The following PPM1F variants were observed in gnomAD, a reference collection of about 807,000 sequenced individuals.
PPM1F encodes protein phosphatase 1F.
Under a neutral mutation model 35.5 loss-of-function variants are expected in PPM1F, and 17 were observed. The ratio of observed to expected loss-of-function variants is 0.48; its 90% confidence interval spans 0.33 to 0.72. The LOEUF is 0.72. Among genes scored for constraint, PPM1F ranks in the 30% least tolerant of loss-of-function variants. The pLI, the probability that PPM1F is intolerant of heterozygous loss-of-function variation, is 0.02. For missense variants in PPM1F, 521 were observed against 613.0 expected (o/e 0.85, Z 1.59); for synonymous variants, 241 against 255.5 (o/e 0.94, Z 0.54).
chr22:21,938,277 C>A, intron 3 of PPM1F: 1 of 1,280,232 alleles, frequency 7.8e-7, no homozygotes, highest in East Asian at 5.8e-5. Context: ...GGTGGCGGCG[C>A]CCCCTTGGTG....
At chr22:21,924,391 C>T (rs55982262) in intron 7 of PPM1F, among the ~76,000 whole-genome samples, 15,852 of 151,858 alleles carry the variant, frequency 0.1, 900 homozygotes, top group Non-Finnish European at 0.12. Context: ...CCTCAGCATC[C>T]CAAGTAGCTG....
chr22:21,930,004 A>G (rs1271943479), intron 6 of PPM1F, among the ~76,000 whole-genome samples: 1 of 152,252 alleles, frequency 6.6e-6, no homozygotes, highest in African/African-American at 2.4e-5. Flanking sequence ...ATCATCACAG[A>G]CAAGGAACCA....
At chr22:21,927,337 C>T (rs1042386478) in intron 6 of PPM1F, among the ~76,000 whole-genome samples, 2 of 152,200 alleles carry the variant, frequency 1.3e-5, no homozygotes, top group Non-Finnish European at 2.9e-5. Context: ...CTGCAGACGG[C>T]GAGGAGCTGC....
intron 7 of PPM1F, among the ~76,000 whole-genome samples, chr22:21,924,542 A>T (rs1384312807): frequency 6.7e-6 from 1 of 149,734 alleles, no homozygotes; most frequent in Non-Finnish European, 1.5e-5. Context: ...AAGTGCTGGG[A>T]TTACAGGCGT....
At chr22:21,924,307 G>A (rs565846853) in intron 7 of PPM1F, among the ~76,000 whole-genome samples, 308 of 146,114 alleles carry the variant, frequency 2.1e-3, no homozygotes, top group Non-Finnish European at 3.0e-3. Flanking sequence ...CGCTCTTGTC[G>A]CCCAGGCTGC....
At chr22:21,930,105 A>G (rs2070571366) in intron 6 of PPM1F, among the ~76,000 whole-genome samples, 1 of 152,260 alleles carries the variant, frequency 6.6e-6, no homozygotes, top group African/African-American at 2.4e-5. Context: ...TGTGTAAATG[A>G]TCTTCAGCTT....
chr22:21,934,337 G>A (rs1055374078), intron 3 of PPM1F, 111 bp from the exon 4 acceptor site: 6 of 831,486 alleles, frequency 7.2e-6, no homozygotes, highest in African/African-American at 1.7e-5. Context: ...ATCACCTCCC[G>A]GGGCATTGTG....
chr22:21,933,455 T>G lies in PPM1F; in HGVS notation c.683A>C (p.Glu228Ala), dbSNP rs2145797402. 6.2e-7 allele frequency: 1 copy of G among 1,613,512 alleles called. No homozygotes were observed. Among genetic ancestry groups the G allele is most frequent in the Non-Finnish European group, 8.5e-7 (1 of 1,180,026 alleles). ...ARQPELPTDP[E>A]GALREAFRRT... is the part of the protein sequence containing the mutation. ...CCGGAAGGCTTCTCTGAGGGCTCCC[T>G]CAGGGTCTGTGGGCAGCTCTGGCTG... Residue 228 changes from glutamate to alanine, a missense_variant, in exon 5 of 8, where the codon GAG (glutamate) becomes GCG (alanine). By Grantham distance (107) the Glu-to-Ala change is moderately radical. Transcript: ENST00000263212.
Position 21,931,280 on chromosome 22 carries a change from G to A in PPM1F, c.759C>T (p.Ser253=), listed in dbSNP as rs756088150. Residue 253 remains serine (S), a synonymous_variant, in exon 6 of 8, where the codon AGC becomes AGT. Transcript: ENST00000263212. ...TGAGCGCACACACACCTGTGGTGCC[G>A]CTCTGCAGCCGCTGCAGGGAGAGAG... ...LRKAKRERLQ[S]GTTGVCALIA... 32 of 1,611,252 alleles carry A rather than the reference G, an allele frequency of 2.0e-5. No homozygotes were observed. Among genetic ancestry groups the A allele is most frequent in the East Asian group, 2.2e-5 (1 of 44,874 alleles).
chr22:21,927,942 G>GTTTTTTTTTTTTTTTTT lies in PPM1F; in HGVS notation c.892-2297_892-2281dup, dbSNP rs60216371. Among the ~76,000 whole-genome samples, 35 of 75,146 alleles carry GTTTTTTTTTTTTTTTTT rather than the reference G, an allele frequency of 4.7e-4. 3 individuals carry two copies. The highest frequency in any genetic ancestry group is 7.2e-4 in the African/African-American group (13 of 18,156). 49.3% of individuals were successfully genotyped at this position (75,146 alleles called of 152,430 possible). ...GATTCTTGATTCTGTTTTTTGTTTT[G>GTTTTTTTTTTTTTTTTT]TTTTTTTTTTTTTTTTTTTTTTTTT... On this transcript the variant is annotated intron_variant, in intron 6 of 7. Transcript: ENST00000263212.
chr22:21,923,474 G>A lies in PPM1F; in HGVS notation c.986-3C>T, dbSNP rs771127137. The A allele has an allele frequency of 1.3e-6, 2 of 1,596,464 alleles. No individual in the cohort carries two copies. The highest frequency in any genetic ancestry group is 2.2e-5 in the East Asian group (1 of 44,554). Reference sequence around the variant, plus strand: ...GTAGGGCTTCTGGAAGACATCCCCTGGACAGGCGGAGAAGAGCCCGGGTCA... The same window carrying A: ...GTAGGGCTTCTGGAAGACATCCCCTAGACAGGCGGAGAAGAGCCCGGGTCA... On this transcript the variant is annotated splice_polypyrimidine_tract_variant and splice_region_variant and intron_variant, in intron 7 of 7. Transcript: ENST00000263212.
In PPM1F at chr22:21,939,573, T is replaced by A. The variant is rs1474170519; in HGVS notation, c.314A>T (p.Glu105Val). The A allele has an allele frequency of 1.3e-6, 2 of 1,574,940 alleles. No homozygotes were observed. The highest frequency in any genetic ancestry group is 2.3e-5 in the East Asian group (1 of 43,590). Reference protein sequence around the residue: ...FRKLPREEEEEEEDDDEEEKA... With the variant: ...FRKLPREEEEVEEDDDEEEKA... ...TTCCTCCTCGTCATCGTCCTCCTCC[T>A]CTTCTTCTTCCTCCCTGGGCAACTT... The change falls in exon 3 of 8, where the codon GAG (glutamate) becomes GTG (valine). Residue 105 changes from glutamate to valine, a missense_variant. Physicochemically the swap from Glu to Val is moderately radical, Grantham distance 121 (BLOSUM62 -2). Around this residue, in one of 3 missense-constraint regions of PPM1F, gnomAD observed 311 missense variants for 351.5 expected, o/e 0.88. Coordinates refer to ENST00000263212, the MANE Select transcript of PPM1F (RefSeq NM_014634.4). This position sits in a 1 kb window ranked among gnomAD's most constrained non-coding sequence, Gnocchi z 5.1.
rs1051794839 is a variant in PPM1F, at chr22:21,946,034, G to C, written c.15C>G (p.Ala5=). Residue 5 remains alanine, a synonymous_variant, in exon 2 of 8, where the codon GCC becomes GCG. Coordinates refer to ENST00000263212, the MANE Select transcript of PPM1F (RefSeq NM_014634.4). ...TGGCCATTGGGCTGCTCTTCTGTGG[G>C]GCTCCAGAGGACATGCCCAAAGCAT... The part of the protein sequence containing the change: MSSG[A]PQKSSPMASG... 4 of 1,546,200 alleles carry C rather than the reference G, an allele frequency of 2.6e-6. No individual in the cohort carries two copies. The highest frequency in any genetic ancestry group is 2.6e-6 in the Non-Finnish European group (3 of 1,144,160).
intron 5 of PPM1F, 52 bp from the exon 6 acceptor site, chr22:21,931,343 G>A: frequency 1.3e-6 from 2 of 1,557,654 alleles, no homozygotes; most frequent in South Asian, 1.1e-5. Flanking sequence ...GAAGGGCAGA[G>A]GATGACACGG....
chr22:21,927,395 GA>G (rs1310837460), intron 6 of PPM1F, among the ~76,000 whole-genome samples: 3 of 152,226 alleles, frequency 2.0e-5, no homozygotes, highest in African/African-American at 7.2e-5. Context: ...GTTCCCTGGG[GA>G]GGGGCTGTGA....
At chr22:21,946,186 G>A (rs1349486168) in intron 1 of PPM1F, 78 bp from the exon 2 acceptor site, 2 of 659,026 alleles carry the variant, frequency 3.0e-6, no homozygotes, top group East Asian at 3.1e-5. Context: ...CAAGCACCAT[G>A]TGGCAGGTGC....
chr22:21,927,937 GTTTTGTTTTTTTTTT>G (rs1436808008), intron 6 of PPM1F, among the ~76,000 whole-genome samples: 3 of 68,108 alleles, frequency 4.4e-5, no homozygotes, highest in East Asian at 1.2e-3. Context: ...TCTGTTTTTT[GTTTTGTTTTTTTTTT>G]TTTTTTTTTT....
rs950125772 is a variant in PPM1F, at chr22:21,925,974, C to T, written c.892-312G>A. On this transcript the variant is annotated intron_variant, in intron 6 of 7. Transcript: ENST00000263212. ...GAGGCACTCACGAGGCTTGCGAGCCCGACACAGACAGCAGATCCTTCTGCT... is the reference window on the plus strand; with the variant it reads ...GAGGCACTCACGAGGCTTGCGAGCCTGACACAGACAGCAGATCCTTCTGCT... The T allele has an allele frequency of 7.1e-5, 23 of 322,732 alleles. No homozygotes were observed. The East Asian group carries it at 8.4e-4, about 12-fold the overall frequency. 20.0% of individuals were successfully genotyped at this position (322,732 alleles called of 1,614,324 possible).
intron 6 of PPM1F, among the ~76,000 whole-genome samples, chr22:21,926,836 T>C (rs995373938): frequency 1.3e-5 from 2 of 152,074 alleles, no homozygotes; most frequent in South Asian, 2.1e-4. Context: ...CCTAGACAGA[T>C]TGGGATATCA....
Sources: gnomAD v4.1 joint callset for allele counts (sites outside exome capture counted in the v4.1 genomes callset) on GRCh38, gnomAD v4.1.1 for gene constraint, gnomAD v4.1.1 regional missense constraint, Gnocchi (gnomAD v3.1) non-coding constraint, MANE v1.5 for transcripts, NCBI Gene and HGNC (gene_info 2026-07-23, HGNC 2026-07-21) for gene names.